Variants in PCSK1 observed in about 807,000 individuals in gnomAD.
The protein encoded by PCSK1 is neuroendocrine convertase 1.
Under a neutral mutation model 90.6 loss-of-function variants are expected in PCSK1, and 56 were observed. That is an observed-to-expected ratio of 0.62 (90% CI 0.50 to 0.77). The LOEUF (loss-of-function observed/expected upper bound fraction) is 0.77, where lower values mean the gene tolerates loss of function less well. PCSK1 is among the 30% of genes least tolerant of loss of function. The pLI is 0.00. For missense variants in PCSK1, 801 were observed against 932.6 expected, an observed-to-expected ratio of 0.86 and a Z score of 1.84; for synonymous variants, 348 against 342.4, an observed-to-expected ratio of 1.02 and a Z score of -0.18.
At chr5:96,419,327 A>ATAT (rs1491283341) in intron 5 of PCSK1, among the ~76,000 whole-genome samples, 1 of 141,574 alleles carries the variant, frequency 7.1e-6, no homozygotes, top group Non-Finnish European at 1.5e-5. Context: ...ATATATATAT[A>ATAT]AAACCTCACT....
chr5:96,431,310 G>A (rs1276297251), intron 1 of PCSK1, among the ~76,000 whole-genome samples: 1 of 152,178 alleles, frequency 6.6e-6, no homozygotes, highest in Non-Finnish European at 1.5e-5. Flanking sequence ...ATCTCATTAT[G>A]TGCTCCTGGC....
chr5:96,414,976 A>G (rs1183370773), intron 6 of PCSK1, among the ~76,000 whole-genome samples: 1 of 152,256 alleles, frequency 6.6e-6, no homozygotes. Context: ...AATGCAAGGT[A>G]TACTCATGTA....
Position 96,394,899 on chromosome 5 carries a change from T to G in PCSK1, c.1849A>C (p.Arg617=). 1 of 1,614,148 alleles carries G rather than the reference T, an allele frequency of 6.2e-7. No individual in the cohort carries two copies. The highest frequency in any genetic ancestry group is 8.5e-7 in the Non-Finnish European group (1 of 1,179,994). The change falls in exon 13 of 14, where the codon AGA becomes CGA. Residue 617 remains arginine (R), a synonymous_variant. Transcript: ENST00000311106. The stretch of plus-strand genomic sequence containing the variant: ...TCCACCATCTTCTCCACCCCTCTTC[T>G]GTCATTCTGAACAGTGTTGTAGGAC... ...YTSYNTVQND[R]RGVEKMVDPG...
chr5:96,410,176 C>T (rs1760708138), intron 8 of PCSK1, among the ~76,000 whole-genome samples: 1 of 152,094 alleles, frequency 6.6e-6, no homozygotes, highest in South Asian at 2.1e-4. Context: ...TGCCCTTGGC[C>T]GTCTGACTCA....
At position 96,393,258 on chromosome 5, in the gene PCSK1, G is replaced by T; in HGVS notation, c.2005C>A (p.Arg669=). 1 of 1,613,960 alleles carries T rather than the reference G, an allele frequency of 6.2e-7. No homozygotes were observed. The highest frequency in any genetic ancestry group is 1.3e-5 in the African/African-American group (1 of 74,998). Residue 669 remains arginine (R), a synonymous_variant, in exon 14 of 14, where the codon CGA becomes AGA. Coordinates refer to ENST00000311106, the MANE Select transcript of PCSK1 (RefSeq NM_000439.5). ...EEGAPSQAML[R]LLQSAFSKNS... ...TTACTGAAAGCACTTTGCAGGAGTC[G>T]CAGCATGGCCTGGGAAGGGGCTCCC...
intron 11 of PCSK1, among the ~76,000 whole-genome samples, chr5:96,398,527 C>G (rs938447060): frequency 6.6e-6 from 1 of 152,148 alleles, no homozygotes; most frequent in Non-Finnish European, 1.5e-5. Flanking sequence ...TCGGATATAT[C>G]TGTGAGTTTG....
chr5:96,419,457 A>G (rs1761051667), intron 5 of PCSK1, among the ~76,000 whole-genome samples: 1 of 146,120 alleles, frequency 6.8e-6, no homozygotes, highest in Non-Finnish European at 1.5e-5. Context: ...CTATATATAT[A>G]TACACTCACT....
intron 5 of PCSK1, 25 bp downstream of exon 5, chr5:96,421,855 T>C: frequency 8.1e-7 from 1 of 1,231,864 alleles, no homozygotes; most frequent in South Asian, 1.2e-5. Context: ...AGTACTTTAT[T>C]TCACACAAAT....
At chr5:96,411,659 A>T (rs156019) in intron 7 of PCSK1, among the ~76,000 whole-genome samples, 90,309 of 152,038 alleles carry the variant, frequency 0.59, 27,343 homozygotes, top group Non-Finnish European at 0.66. Flanking sequence ...TTGGAAGAAG[A>T]CTGAGTAGTT....
chr5:96,399,057 G>T (rs374505751), intron 10 of PCSK1, 21 bp from the exon 11 acceptor site: 110 of 1,575,078 alleles, frequency 7.0e-5, no homozygotes, highest in Non-Finnish European at 9.0e-5. Flanking sequence ...TAAAGAATCA[G>T]CATTGAATAA....
In PCSK1 at chr5:96,432,985, A is replaced by G; in HGVS notation, c.58T>C (p.Cys20Arg). 2 of 1,614,192 alleles carry G rather than the reference A, an allele frequency of 1.2e-6. No individual in the cohort carries two copies. The highest frequency in any genetic ancestry group is 1.7e-6 in the Non-Finnish European group (2 of 1,180,002). The part of the protein sequence containing the change: ...CTAFVLFCAW[C>R]ALNSAKAKRQ... Reference sequence around the variant, plus strand: ...TTCGCTTTTGCACTGTTCAGTGCACACCAAGCGCAAAAGAGGACGAAAGCA... The same window carrying G: ...TTCGCTTTTGCACTGTTCAGTGCACGCCAAGCGCAAAAGAGGACGAAAGCA... Residue 20 changes from cysteine to arginine, a missense_variant, in exon 1 of 14, where the codon TGT becomes CGT. Transcript: ENST00000311106.
At chr5:96,422,511 A>ACT (rs530840500) in intron 4 of PCSK1, among the ~76,000 whole-genome samples, 1 of 152,040 alleles carries the variant, frequency 6.6e-6, no homozygotes, top group African/African-American at 2.4e-5. Context: ...CCCTTTTCCA[A>ACT]CCCAATAGCT....
At chr5:96,429,430 G>T in intron 1 of PCSK1, 113 bp from the exon 2 acceptor site, 1 of 652,266 alleles carries the variant, frequency 1.5e-6, no homozygotes, top group Non-Finnish European at 2.7e-6. Context: ...CCCATTCCTG[G>T]TATCTGAAAT....
chr5:96,402,198 C>T (rs1414088186), intron 9 of PCSK1, among the ~76,000 whole-genome samples: 1 of 152,130 alleles, frequency 6.6e-6, no homozygotes, highest in African/African-American at 2.4e-5. Flanking sequence ...GAGTCCGGCT[C>T]CTAGTTAAAA....
intron 6 of PCSK1, among the ~76,000 whole-genome samples, chr5:96,413,566 G>A (rs1368717529): frequency 7.2e-5 from 11 of 152,092 alleles, no homozygotes; most frequent in Non-Finnish European, 1.2e-4. Context: ...TTGGGAGGCC[G>A]AGGTGGGTGG....
intron 5 of PCSK1, among the ~76,000 whole-genome samples, chr5:96,419,685 C>A (rs1307651612): frequency 6.6e-6 from 1 of 151,874 alleles, no homozygotes; most frequent in Non-Finnish European, 1.5e-5. Context: ...GATCTGGAAG[C>A]TCAGGGCTTT....
rs1225178782 is a variant in PCSK1, at chr5:96,432,237, G to C, written c.180+626C>G. ...TCCCTAGAGAGTCGCGGGGATAGAT[G>C]GTCCCGTGTCTTTCACCCACCATTT... On this transcript the variant is annotated intron_variant, in intron 1 of 13. Coordinates refer to ENST00000311106, the MANE Select transcript of PCSK1 (RefSeq NM_000439.5). 4.2e-6 allele frequency: 4 copies of C among 944,998 alleles called. No homozygotes were observed. In the African/African-American group the frequency reaches 6.5e-5, roughly 15 times the overall value. The allele number at this position is 944,998 out of a possible 1,614,324, so 58.5% of individuals were successfully genotyped here.
At chr5:96,418,714 T>G (rs1761012798) in intron 5 of PCSK1, among the ~76,000 whole-genome samples, 1 of 152,224 alleles carries the variant, frequency 6.6e-6, no homozygotes, top group African/African-American at 2.4e-5. Context: ...GCTTTATGTC[T>G]GACAACATGC....
chr5:96,415,594 A>G (rs1266432439), intron 6 of PCSK1, among the ~76,000 whole-genome samples: 1 of 152,200 alleles, frequency 6.6e-6, no homozygotes, highest in Non-Finnish European at 1.5e-5. Context: ...AAATTTGGCT[A>G]TTTAATATAA....
Sources: allele counts gnomAD v4.1 joint callset (sites outside exome capture counted in the v4.1 genomes callset), GRCh38; gene constraint gnomAD v4.1.1; transcripts MANE v1.5; gene names NCBI Gene and HGNC (gene_info 2026-07-23, HGNC 2026-07-21).